Variants in RNASE10 observed in about 807,000 individuals in gnomAD.
RNASE10 encodes ribonuclease A family member 10 (inactive), also known as inactive ribonuclease-like protein 10.
In RNASE10, 2 loss-of-function variants were observed where a neutral mutation model predicts 1.1. The observed-to-expected ratio is 1.82, with a 90% CI of 0.74 to 5.73. The LOEUF is 5.73. RNASE10 is among the 30% of genes most tolerant of loss of function. The probability of loss-of-function intolerance (pLI) is 0.05; values close to 1 mark genes in which losing one functional copy is unlikely to be tolerated. For synonymous variants in RNASE10, 97 were observed against 96.2 expected, an observed-to-expected ratio of 1.01 and a Z score of -0.05; for missense variants, 276 against 263.4, an observed-to-expected ratio of 1.05 and a Z score of -0.33.
At chr14:20,512,073 GA>G (rs1414575853), downstream of RNASE10, among the ~76,000 whole-genome samples, 2 of 152,192 alleles carry the variant, frequency 1.3e-5, no homozygotes, top group Admixed American at 1.3e-4. Context: ...GAAAGAGAAA[GA>G]GAGAGTGAGA....
downstream of RNASE10, among the ~76,000 whole-genome samples, chr14:20,513,687 G>T (rs1439005854): frequency 6.6e-6 from 1 of 152,144 alleles, no homozygotes; most frequent in Non-Finnish European, 1.5e-5. Context: ...ACTGTGTTTT[G>T]TTATGAGTAG....
downstream of RNASE10, among the ~76,000 whole-genome samples, chr14:20,513,235 T>G (rs1882940301): frequency 6.6e-6 from 1 of 152,140 alleles, no homozygotes; most frequent in Non-Finnish European, 1.5e-5. Flanking sequence ...TTTTGTTTTT[T>G]TTGTTTAATC....
chr14:20,511,119 A>G, exon 2 of RNASE10: 31 of 1,484,412 alleles, frequency 2.1e-5, no homozygotes, highest in Middle Eastern at 1.8e-4. Flanking sequence ...CAACTGGACA[A>G]TGAAGCAACT....
chr14:20,510,638 C>T (rs1882874023), exon 2 of RNASE10: 1 of 1,614,046 alleles, frequency 6.2e-7, no homozygotes, highest in African/African-American at 1.3e-5. Context: ...GCTGAGGCCA[C>T]TGAGGAGGGA....
chr14:20,511,346 G>GA (rs1882897096), downstream of RNASE10, among the ~76,000 whole-genome samples: 2 of 152,272 alleles, frequency 1.3e-5, no homozygotes, highest in South Asian at 4.1e-4. Context: ...CCTTACCCTG[G>GA]AAAGGAGTAA....
chr14:20,504,974 G>A (rs565633115), upstream of RNASE10, among the ~76,000 whole-genome samples: 13 of 152,068 alleles, frequency 8.5e-5, no homozygotes, highest in African/African-American at 2.2e-4. Flanking sequence ...TGTATCCAGC[G>A]AATACAACAA....
chr14:20,512,242 G>A (rs531769216), downstream of RNASE10, among the ~76,000 whole-genome samples: 10 of 152,298 alleles, frequency 6.6e-5, no homozygotes, highest in East Asian at 1.9e-3. Context: ...AATAATTTCA[G>A]CAGAGAAGGT....
upstream of RNASE10, among the ~76,000 whole-genome samples, chr14:20,504,674 A>T (rs373451121): frequency 8.7e-6 from 1 of 114,690 alleles, no homozygotes; most frequent in Middle Eastern, 4.2e-3. Context: ...GGCGACAGAG[A>T]GAGACTCCGT....
intron 1 of RNASE10, among the ~76,000 whole-genome samples, chr14:20,507,460 A>G (rs1223348931): frequency 7.4e-6 from 1 of 135,316 alleles, no homozygotes; most frequent in Non-Finnish European, 1.6e-5. Context: ...TTAAGTACCC[A>G]GGGACACAAA....
rs77163096 is a variant in RNASE10 at position 20,510,675 on chromosome 14, G to A, written c.288G>A (p.Leu96=). The A allele has an allele frequency of 1.3e-3, 2,058 of 1,614,194 alleles. 49 individuals are homozygous for A. In the East Asian group the frequency reaches 0.038, roughly 30 times the overall value. The change falls in exon 2 of 2, where the codon CTG becomes CTA. Residue 96 remains leucine (L), a synonymous_variant. Coordinates refer to ENST00000430083, the Ensembl canonical transcript of RNASE10. ...ACGGCACCCAAACCACAGAAACGCT[G>A]GTGCTTAGCAACAAAGAAGTGGTGC...
intron 1 of RNASE10, among the ~76,000 whole-genome samples, chr14:20,508,472 AC>A (rs908241877): frequency 2.0e-5 from 3 of 152,190 alleles, no homozygotes; most frequent in African/African-American, 7.2e-5. Context: ...GACACCACCC[AC>A]CCATTAGCTA....
At chr14:20,506,318 G>C (rs1185654398) in intron 1 of RNASE10, among the ~76,000 whole-genome samples, 127 of 129,200 alleles carry the variant, frequency 9.8e-4, no homozygotes, top group African/African-American at 3.7e-3. Flanking sequence ...AGGTGGGGGG[G>C]GTCAGCCCCC....
downstream of RNASE10, chr14:20,511,187 C>A: frequency 8.1e-7 from 1 of 1,236,708 alleles, no homozygotes; most frequent in Non-Finnish European, 1.1e-6. Flanking sequence ...CTTCTTCTTT[C>A]TCATATAGTT....
At chr14:20,510,857 A>T in exon 2 of RNASE10, 1 of 1,614,214 alleles carries the variant, frequency 6.2e-7, no homozygotes, top group Non-Finnish European at 8.5e-7. Flanking sequence ...AAGATGAAGG[A>T]GCCCAGTCAG....
chr14:20,504,687 C>CAAAAAAAAAAAAAAA (rs71112507), upstream of RNASE10, among the ~76,000 whole-genome samples: 122 of 44,502 alleles, frequency 2.7e-3, 4 homozygotes, highest in African/African-American at 3.3e-3. Flanking sequence ...GACTCCGTCT[C>CAAAAAAAAAAAAAAA]AAAAAAAAAA....
intron 1 of RNASE10, among the ~76,000 whole-genome samples, chr14:20,507,046 C>G (rs1882758116): frequency 6.6e-6 from 1 of 151,046 alleles, no homozygotes; most frequent in South Asian, 2.1e-4. Flanking sequence ...AGGGGCGCCT[C>G]TGCCCGGCCG....
chr14:20,506,507 G>A (rs1422026849), intron 1 of RNASE10, among the ~76,000 whole-genome samples: 100 of 123,340 alleles, frequency 8.1e-4, no homozygotes, highest in Non-Finnish European at 2.9e-4. Context: ...TCAGCCCCCC[G>A]CCCGGCCAGC....
chr14:20,504,276 G>A (rs1882631902), upstream of RNASE10, among the ~76,000 whole-genome samples: 1 of 152,212 alleles, frequency 6.6e-6, no homozygotes, highest in African/African-American at 2.4e-5. Flanking sequence ...TGCTCACGAA[G>A]AAGGAAACCC....
exon 2 of RNASE10, chr14:20,510,983 G>T: frequency 6.2e-7 from 1 of 1,602,182 alleles, no homozygotes; most frequent in Non-Finnish European, 8.5e-7. Context: ...AAAAGCTCCC[G>T]ACCTTTTGAT....
Sources: allele counts gnomAD v4.1 joint callset (sites outside exome capture counted in the v4.1 genomes callset), GRCh38; gene constraint gnomAD v4.1.1; transcripts MANE v1.5; gene names NCBI Gene and HGNC (gene_info 2026-07-23, HGNC 2026-07-21).